ATP5PO: variants seen among roughly 807,000 people sequenced by gnomAD.
The protein encoded by ATP5PO is ATP synthase peripheral stalk subunit OSCP, mitochondrial.
Under a neutral mutation model 26.2 loss-of-function variants are expected in ATP5PO, and 14 were observed. The observed-to-expected ratio is 0.53, with a 90% CI of 0.35 to 0.83. The LOEUF (loss-of-function observed/expected upper bound fraction) is 0.83, where lower values mean the gene tolerates loss of function less well. Ranked by LOEUF, ATP5PO falls within the 40% of genes least tolerant of loss-of-function variation. The pLI is 0.01. For synonymous variants in ATP5PO, 106 were observed against 95.1 expected (o/e 1.12, Z -0.67); for missense variants, 241 against 258.5 (o/e 0.93, Z 0.46).
At chr21:33,906,339 T>C in intron 5 of ATP5PO, 1 of 237,606 alleles carries the variant, frequency 4.2e-6, no homozygotes, top group South Asian at 4.6e-5. Flanking sequence ...GGGAAGAAAA[T>C]ACATATTGAA....
Position 33,903,509 on chromosome 21 carries a change from G to T in ATP5PO, c.*17C>A. On this transcript the variant is annotated 3_prime_UTR_variant, in exon 7 of 7. Transcript: ENST00000290299. Reference sequence around the variant, plus strand: ...CCAAGTTTAAGAATTTTCACTGATGGCAGAAAACCAACACTTTTAGACAAT... The same window carrying T: ...CCAAGTTTAAGAATTTTCACTGATGTCAGAAAACCAACACTTTTAGACAAT... 1.3e-6 allele frequency: 2 copies of T among 1,597,198 alleles called. No homozygotes were observed. The highest frequency in any genetic ancestry group is 3.4e-5 in the Admixed American group (2 of 58,960).
chr21:33,910,336 T>TA (rs1333587648), intron 3 of ATP5PO, among the ~76,000 whole-genome samples: 1 of 152,096 alleles, frequency 6.6e-6, no homozygotes, highest in Non-Finnish European at 1.5e-5. Context: ...CATTTTTCCA[T>TA]AAAAAATGCA....
intron 3 of ATP5PO, among the ~76,000 whole-genome samples, chr21:33,911,662 G>GTTTTTTTTTTTTTTTTTTTTT (rs58774588): frequency 1.1e-5 from 1 of 92,080 alleles, no homozygotes; most frequent in Non-Finnish European, 2.0e-5. Flanking sequence ...ATAAGCATAG[G>GTTTTTTTTTTTTTTTTTTTTT]TTTTTTTTTT....
Position 33,906,825 on chromosome 21 carries a change from T to TA in ATP5PO, c.441+515dup, listed in dbSNP as rs577514685. The TA allele has an allele frequency of 2.5e-4, 112 of 451,756 alleles. 1 individual carries two copies. Among genetic ancestry groups the TA allele is most frequent in the African/African-American group, 2.2e-3 (109 of 49,952 alleles). The allele number at this position is 451,756 out of a possible 1,614,324, so 28.0% of individuals were successfully genotyped here. ...GAACACAGTAAAACCTCCATCACTATAAAAAACACACAAAAATTAGCCGGG... is the reference window on the plus strand; with the variant it reads ...GAACACAGTAAAACCTCCATCACTATAAAAAAACACACAAAAATTAGCCGGG... On this transcript the variant is annotated intron_variant, in intron 5 of 6. Coordinates refer to ENST00000290299, the MANE Select transcript of ATP5PO (RefSeq NM_001697.3).
At chr21:33,910,571 T>G (rs968550083) in intron 3 of ATP5PO, among the ~76,000 whole-genome samples, 1 of 152,134 alleles carries the variant, frequency 6.6e-6, no homozygotes, top group Admixed American at 6.6e-5. Context: ...ATATCCACAA[T>G]CCAAGTAATT....
At position 33,906,470 on chromosome 21, in the gene ATP5PO, G is replaced by A. The variant is rs150884921; in HGVS notation, c.441+871C>T. 102 of 337,988 alleles carry A rather than the reference G, an allele frequency of 3.0e-4. 1 individual carries two copies. Among genetic ancestry groups the A allele is most frequent in the African/African-American group, 2.1e-3 (98 of 45,692 alleles). The allele number at this position is 337,988 out of a possible 1,614,324, so 20.9% of individuals were successfully genotyped here. On this transcript the variant is annotated intron_variant, in intron 5 of 6. Transcript: ENST00000290299. The stretch of plus-strand genomic sequence containing the variant: ...CCACCTCGTATGACTTTGGGCAAGC[G>A]ACTTCATCTCCCTGCATTCGGTTTC...
intron 1 of ATP5PO, 63 bp downstream of exon 1, chr21:33,915,665 G>A (rs1449271144): frequency 2.7e-5 from 42 of 1,541,476 alleles, no homozygotes; most frequent in Non-Finnish European, 3.1e-5. Flanking sequence ...GGTGCTCGAG[G>A]TTTGGTACCG....
rs947601107 is a variant in ATP5PO at position 33,915,654 on chromosome 21, T to C, written c.36+74A>G. Reference sequence around the variant, plus strand: ...CTTCCCCAGCCGAAGCATCGCACCCTGGTGCTCGAGGTTTGGTACCGGTCA... The same window carrying C: ...CTTCCCCAGCCGAAGCATCGCACCCCGGTGCTCGAGGTTTGGTACCGGTCA... On this transcript the variant is annotated intron_variant, in intron 1 of 6. Coordinates refer to ENST00000290299, the MANE Select transcript of ATP5PO (RefSeq NM_001697.3). 6 of 1,532,776 alleles carry C rather than the reference T, an allele frequency of 3.9e-6. No individual in the cohort carries two copies. The South Asian group carries it at 7.3e-5, about 19-fold the overall frequency. The allele number at this position is 1,532,776 out of a possible 1,614,324, so 94.9% of individuals were successfully genotyped here. A position where few individuals can be genotyped will look rare whatever the true frequency, so the allele number is the denominator to read the frequency against.
At chr21:33,914,352 A>G (rs1987286516) in intron 2 of ATP5PO, 98 bp downstream of exon 2, 2 of 1,211,400 alleles carry the variant, frequency 1.7e-6, no homozygotes, top group Middle Eastern at 3.8e-4. Context: ...AAAAAGGTTT[A>G]GATAGTAACT....
chr21:33,912,203 T>TA (rs1437035998), intron 3 of ATP5PO, 86 bp downstream of exon 3: 1 of 1,131,980 alleles, frequency 8.8e-7, no homozygotes, highest in Non-Finnish European at 1.3e-6. Context: ...TCTTGTAGGA[T>TA]ACACCTCATT....
At chr21:33,903,754 T>C in intron 6 of ATP5PO, 115 bp from the exon 7 acceptor site, 1 of 1,222,808 alleles carries the variant, frequency 8.2e-7, no homozygotes, top group South Asian at 1.4e-5. Flanking sequence ...TAATTACACC[T>C]AGAAAAAGGC....
intron 3 of ATP5PO, among the ~76,000 whole-genome samples, chr21:33,909,792 A>G (rs1271637069): frequency 6.6e-6 from 1 of 152,250 alleles, no homozygotes; most frequent in African/African-American, 2.4e-5. Context: ...ATAAAACACT[A>G]AACAGCCAAA....
rs148572692 is a variant in ATP5PO at position 33,910,931 on chromosome 21, C to T, written c.198+1358G>A. On this transcript the variant is annotated intron_variant, in intron 3 of 6. Transcript: ENST00000290299. ...CAGTAATACTTATAGACTATACATACGATGATTAATATAGAACGTAAGTAT... is the reference window on the plus strand; with the variant it reads ...CAGTAATACTTATAGACTATACATATGATGATTAATATAGAACGTAAGTAT... Among the ~76,000 whole-genome samples the T allele has an allele frequency of 4.9e-4, 75 of 152,214 alleles. No individual in the cohort carries two copies. In the East Asian group the frequency reaches 6.9e-3, roughly 14 times the overall value.
intron 5 of ATP5PO, among the ~76,000 whole-genome samples, chr21:33,905,005 T>C (rs1169065462): frequency 6.6e-6 from 1 of 152,146 alleles, no homozygotes; most frequent in African/African-American, 2.4e-5. Flanking sequence ...TCTCCCAAAA[T>C]GCTGGGGTTA....
At chr21:33,906,625 C>T in intron 5 of ATP5PO, 1 of 454,716 alleles carries the variant, frequency 2.2e-6, no homozygotes. Flanking sequence ...ACTATCAAGT[C>T]AAAAAGATAC....
At chr21:33,909,007 G>A in intron 4 of ATP5PO, 75 bp downstream of exon 4, 1 of 1,437,780 alleles carries the variant, frequency 7.0e-7, no homozygotes, top group Non-Finnish European at 9.4e-7. Context: ...TGATGCTGAT[G>A]CCGCCCACAG....
At chr21:33,912,739 C>T (rs949376900) in intron 2 of ATP5PO, among the ~76,000 whole-genome samples, 1 of 152,126 alleles carries the variant, frequency 6.6e-6, no homozygotes, top group Non-Finnish European at 1.5e-5. Flanking sequence ...AACTCAGTAA[C>T]TATTTAGTTT....
chr21:33,905,935 A>G (rs181770067), intron 5 of ATP5PO, among the ~76,000 whole-genome samples: 3,983 of 150,876 alleles, frequency 0.026, 119 homozygotes, highest in Admixed American at 0.075. Context: ...AAAAAAAAAA[A>G]AAAGAAAATC....
At chr21:33,910,997 A>G (rs1354357525) in intron 3 of ATP5PO, among the ~76,000 whole-genome samples, 1 of 152,250 alleles carries the variant, frequency 6.6e-6, no homozygotes, top group Non-Finnish European at 1.5e-5. Context: ...TTTTTTCTAA[A>G]CAATAAAAAC....
Sources: gnomAD v4.1 joint callset for allele counts (sites outside exome capture counted in the v4.1 genomes callset) on GRCh38, gnomAD v4.1.1 for gene constraint, MANE v1.5 for transcripts, NCBI Gene and HGNC (gene_info 2026-07-23, HGNC 2026-07-21) for gene names.